The following PATJ variants were observed in gnomAD, a reference collection of about 807,000 sequenced individuals.
PATJ encodes the protein PATJ crumbs cell polarity complex component.
Under a neutral mutation model 224.9 loss-of-function variants are expected in PATJ, and 190 were observed. The ratio of observed to expected loss-of-function variants is 0.84; its 90% CI spans 0.75 to 0.95. The LOEUF is 0.95. Ranked by LOEUF, PATJ falls within the 40% of genes least tolerant of loss-of-function variation. PATJ has a pLI of 0.00. For missense variants in PATJ, 2,121 were observed against 2,270.3 expected (o/e 0.93, Z 1.34); for synonymous variants, 769 against 820.3 (o/e 0.94, Z 1.07).
intron 43 of PATJ, among the ~76,000 whole-genome samples, chr1:62,158,670 G>A (rs1199040226): frequency 1.4e-5 from 2 of 144,144 alleles, no homozygotes; most frequent in Admixed American, 7.6e-5. Flanking sequence ...GCAGTGAGCC[G>A]AGATTGCACC....
intron 23 of PATJ, among the ~76,000 whole-genome samples, chr1:61,900,884 A>C (rs1486776754): frequency 6.6e-6 from 1 of 152,166 alleles, no homozygotes; most frequent in Admixed American, 6.5e-5. Context: ...CCACCGCGCC[A>C]AGCCATATGT....
chr1:61,863,635 T>C (rs1015959587), intron 19 of PATJ, among the ~76,000 whole-genome samples: 1 of 152,194 alleles, frequency 6.6e-6, no homozygotes, highest in Admixed American at 6.5e-5. Context: ...TAGTGAAATA[T>C]AAATTAATTT....
chr1:61,769,864 A>G (rs1467879604), intron 5 of PATJ, among the ~76,000 whole-genome samples: 1 of 152,182 alleles, frequency 6.6e-6, no homozygotes, highest in Non-Finnish European at 1.5e-5. Context: ...GATTATAACA[A>G]CATTTTGGTG....
chr1:61,808,361 A>G (rs1023894476), intron 13 of PATJ, 113 bp from the exon 14 acceptor site: 1 of 679,730 alleles, frequency 1.5e-6, no homozygotes, highest in African/African-American at 1.8e-5. Context: ...AGGTATCGGA[A>G]TGTAGGTCAA....
intron 7 of PATJ, among the ~76,000 whole-genome samples, chr1:61,783,796 G>A (rs1258964785): frequency 1.5e-5 from 2 of 131,586 alleles, no homozygotes; most frequent in Non-Finnish European, 3.1e-5. Flanking sequence ...TGCTCAGGCT[G>A]GAGTGCAGTG....
chr1:61,873,263 G>T (rs578081227), intron 20 of PATJ, among the ~76,000 whole-genome samples: 2 of 152,132 alleles, frequency 1.3e-5, no homozygotes, highest in South Asian at 4.2e-4. Flanking sequence ...ACCCTCCCAG[G>T]CTCAGGCTAT....
chr1:62,011,491 T>A (rs900458120), intron 28 of PATJ, among the ~76,000 whole-genome samples: 3 of 152,170 alleles, frequency 2.0e-5, no homozygotes, highest in Non-Finnish European at 4.4e-5. Context: ...ACTGATTAAT[T>A]AAGTTTGCCA....
intron 11 of PATJ, among the ~76,000 whole-genome samples, chr1:61,801,054 C>G (rs1652386933): frequency 2.0e-5 from 3 of 152,184 alleles, no homozygotes; most frequent in Admixed American, 6.5e-5. Flanking sequence ...GTGCATGTGT[C>G]TTTACAGCAG....
intron 21 of PATJ, among the ~76,000 whole-genome samples, chr1:61,876,418 TATTAA>T (rs1332526835): frequency 5.3e-5 from 8 of 152,344 alleles, no homozygotes; most frequent in African/African-American, 1.9e-4. Context: ...TATAGTTCTC[TATTAA>T]ATAGTTGGAG....
chr1:62,121,141 C>A, intron 37 of PATJ, 40 bp from the exon 38 acceptor site: 1 of 1,272,524 alleles, frequency 7.9e-7, no homozygotes. Context: ...GGGGTCAAGT[C>A]AGTGTCTGCA....
intron 17 of PATJ, among the ~76,000 whole-genome samples, chr1:61,852,808 G>A (rs1476109184): frequency 6.6e-6 from 1 of 152,172 alleles, no homozygotes; most frequent in Non-Finnish European, 1.5e-5. Flanking sequence ...CACCTCAGTA[G>A]GCAGTAGCAG....
At chr1:62,061,433 C>T (rs1311136262) in intron 31 of PATJ, among the ~76,000 whole-genome samples, 9 of 151,570 alleles carry the variant, frequency 5.9e-5, no homozygotes, top group Admixed American at 2.0e-4. Flanking sequence ...CCACCCACCT[C>T]GGCATCCCAA....
chr1:62,125,236 C>CAAAAAAAAAA lies in PATJ; in HGVS notation c.5043+2186_5043+2195dup, dbSNP rs761278812. Among the ~76,000 whole-genome samples, 210 of 27,464 alleles carry CAAAAAAAAAA rather than the reference C, an allele frequency of 7.6e-3. 14 individuals carry two copies. Among genetic ancestry groups the CAAAAAAAAAA allele is most frequent in the East Asian group, 0.021 (15 of 728 alleles). The allele number at this position is 27,464 out of a possible 152,430, so 18.0% of individuals were successfully genotyped here. On this transcript the variant is annotated intron_variant, in intron 39 of 43. Transcript: ENST00000642238. ...TGGGTGACAGAGTAAAACCCTGTCTCAAAAAAAAAAAAAAAAACAAAAAAA... is the reference window on the plus strand; with the variant it reads ...TGGGTGACAGAGTAAAACCCTGTCTCAAAAAAAAAAAAAAAAAAAAAAAAAAACAAAAAAA...
intron 27 of PATJ, among the ~76,000 whole-genome samples, chr1:61,940,081 C>G (rs1375711518): frequency 2.6e-5 from 4 of 152,022 alleles, no homozygotes; most frequent in Non-Finnish European, 4.4e-5. Flanking sequence ...AAGATGTTTA[C>G]TTCAGCATTT....
rs139393910 is a variant in PATJ, at chr1:62,153,026, C to T, written c.5379-332C>T. ...TGGCACACACCCATAGTCCCAGCTCCGTCTCAAAAAAAGAAAAAAAAAAGA... is the reference window on the plus strand; with the variant it reads ...TGGCACACACCCATAGTCCCAGCTCTGTCTCAAAAAAAGAAAAAAAAAAGA... On this transcript the variant is annotated intron_variant, in intron 42 of 43. Transcript: ENST00000642238. 1.3e-3 allele frequency among the ~76,000 whole-genome samples: 193 copies of T among 143,854 alleles called. 1 individual carries two copies. Among genetic ancestry groups the T allele is most frequent in the African/African-American group, 4.7e-3 (173 of 36,436 alleles). The allele number at this position is 143,854 out of a possible 152,430, so 94.4% of individuals were successfully genotyped here.
intron 31 of PATJ, among the ~76,000 whole-genome samples, chr1:62,076,094 C>G (rs1417312867): frequency 6.6e-6 from 1 of 152,064 alleles, no homozygotes; most frequent in Non-Finnish European, 1.5e-5. Context: ...AAACTGGCAT[C>G]TAGGGATGTG....
At position 61,875,278 on chromosome 1, in the gene PATJ, T is replaced by C. The variant is rs748570753; in HGVS notation, c.2871T>C (p.Ser957=). ...ATTTTGTCATGGAGTCCCTACCATCTGTACCATCAACTGAAGGAAACAGTC... is the reference window on the plus strand; with the variant it reads ...ATTTTGTCATGGAGTCCCTACCATCCGTACCATCAACTGAAGGAAACAGTC... ...KENFVMESLP[S]VPSTEGNSQQ... is the part of the protein sequence containing the mutation. Residue 957 remains serine, a synonymous_variant, in exon 21 of 44, where the codon TCT becomes TCC. Coordinates refer to ENST00000642238, the MANE Select transcript of PATJ (RefSeq NM_001350145.3). 1.9e-6 allele frequency: 3 copies of C among 1,607,276 alleles called. No homozygotes were observed. The highest frequency in any genetic ancestry group is 1.1e-5 in the South Asian group (1 of 90,496).
In PATJ at chr1:61,982,236, C is replaced by T. The variant is rs79332514; in HGVS notation, c.3671-7932C>T. Reference sequence around the variant, plus strand: ...CCTTCAGTGTAAAATACTCAGTCTGCTAAGGTGCTACATTTTAGGGTATTG... The same window carrying T: ...CCTTCAGTGTAAAATACTCAGTCTGTTAAGGTGCTACATTTTAGGGTATTG... On this transcript the variant is annotated intron_variant, in intron 27 of 43. Transcript: ENST00000642238. Among the ~76,000 whole-genome samples, 449 of 152,098 alleles carry T rather than the reference C, an allele frequency of 3.0e-3. 3 individuals carry two copies. The highest frequency in any genetic ancestry group is 5.3e-3 in the Non-Finnish European group (359 of 68,028).
At chr1:61,762,038 C>T (rs1646000898) in intron 1 of PATJ, among the ~76,000 whole-genome samples, 1 of 152,148 alleles carries the variant, frequency 6.6e-6, no homozygotes, top group South Asian at 2.1e-4. Context: ...ATAGAGAGGA[C>T]ACCTCTCACA....
Sources: allele counts gnomAD v4.1 joint callset (sites outside exome capture counted in the v4.1 genomes callset), GRCh38; gene constraint gnomAD v4.1.1; transcripts MANE v1.5; gene names NCBI Gene and HGNC (gene_info 2026-07-23, HGNC 2026-07-21).